Variants in CDC14B observed in about 807,000 individuals in gnomAD.
CDC14B encodes the protein dual specificity protein phosphatase CDC14B.
In CDC14B, 22 loss-of-function variants were observed where a neutral mutation model predicts 64.2. The observed-to-expected ratio is 0.34, with a 90% CI of 0.24 to 0.49. CDC14B has a LOEUF of 0.49. Ranked by LOEUF, CDC14B falls within the 20% of genes least tolerant of loss-of-function variation. The probability of loss-of-function intolerance (pLI) is 0.99; values close to 1 mark genes in which losing one functional copy is unlikely to be tolerated. For missense variants in CDC14B, 498 were observed against 629.9 expected (o/e 0.79, Z 2.24); for synonymous variants, 191 against 215.8 (o/e 0.89, Z 1.01).
At chr9:96,511,605 T>C (rs1307756586) in intron 12 of CDC14B, among the ~76,000 whole-genome samples, 3 of 152,138 alleles carry the variant, frequency 2.0e-5, no homozygotes, top group Non-Finnish European at 4.4e-5. Flanking sequence ...GGGCCAGCGG[T>C]CCCAAGCCTT....
At chr9:96,597,506 A>AG (rs1846164904) in intron 1 of CDC14B, among the ~76,000 whole-genome samples, 1 of 151,986 alleles carries the variant, frequency 6.6e-6, no homozygotes, top group African/African-American at 2.4e-5. Flanking sequence ...AAAAAGAAAA[A>AG]AAAAAAAAAA....
At chr9:96,618,968 T>G (rs923535034) in intron 1 of CDC14B, among the ~76,000 whole-genome samples, 1 of 151,908 alleles carries the variant, frequency 6.6e-6, no homozygotes, top group Non-Finnish European at 1.5e-5. Context: ...CGGTCCATCT[T>G]GCTGGTGGAG....
chr9:96,511,286 C>G (rs145111388), intron 12 of CDC14B, among the ~76,000 whole-genome samples: 3 of 152,246 alleles, frequency 2.0e-5, no homozygotes, highest in African/African-American at 7.2e-5. Context: ...AAAAAAGCAA[C>G]AAGAGGCTGG....
intron 9 of CDC14B, 58 bp from the exon 10 acceptor site, chr9:96,523,783 T>A (rs1837142977): frequency 6.4e-7 from 1 of 1,573,158 alleles, no homozygotes; most frequent in Admixed American, 1.8e-5. Context: ...CAGGATTTTG[T>A]TGGGCAGGCA....
At chr9:96,527,357 C>T (rs567072925) in intron 9 of CDC14B, among the ~76,000 whole-genome samples, 1 of 152,236 alleles carries the variant, frequency 6.6e-6, no homozygotes, top group South Asian at 2.1e-4. Context: ...TGAGATCGTG[C>T]CACTGCACTC....
At position 96,522,596 on chromosome 9, in the gene CDC14B, T is replaced by A. The variant is rs1836912913; in HGVS notation, c.1253A>T (p.Asp418Val). The change falls in exon 12 of 14, where the codon GAT (aspartate) becomes GTT (valine). Residue 418 changes from aspartate to valine, a missense_variant. By Grantham distance (152) the Asp-to-Val change is radical. Coordinates refer to ENST00000375241, the MANE Select transcript of CDC14B (RefSeq NM_033331.4). The stretch of plus-strand genomic sequence containing the variant: ...TGTCACTCCATTGATTTCGTCATCA[T>A]CACTGTACTGTGTAAGTAAAAAAAC... ...QDQQEPEPYS[D>V]DDEINGVTQG... is the part of the protein sequence containing the mutation. The A allele has an allele frequency of 1.2e-6, 2 of 1,605,752 alleles. No individual in the cohort carries two copies. Among genetic ancestry groups the A allele is most frequent in the African/African-American group, 1.3e-5 (1 of 74,776 alleles).
chr9:96,619,180 G>A (rs2119128614), intron 1 of CDC14B, 39 bp downstream of exon 1: 2 of 1,224,806 alleles, frequency 1.6e-6, no homozygotes, highest in Non-Finnish European at 2.0e-6. Context: ...GCCGGGTGCG[G>A]CCGTCCGGGG....
At chr9:96,605,902 G>A (rs868485463) in intron 1 of CDC14B, among the ~76,000 whole-genome samples, 1 of 151,916 alleles carries the variant, frequency 6.6e-6, no homozygotes, top group Non-Finnish European at 1.5e-5. Flanking sequence ...TAGTTACAAC[G>A]AAGCAGCACT....
In CDC14B at chr9:96,606,176, A is replaced by G. The variant is rs1046840378; in HGVS notation, c.160+13043T>C. Among the ~76,000 whole-genome samples, 5 of 151,108 alleles carry G rather than the reference A, an allele frequency of 3.3e-5. No individual in the cohort carries two copies. The South Asian group carries it at 1.1e-3, about 32-fold the overall frequency. On this transcript the variant is annotated intron_variant, in intron 1 of 13. Coordinates refer to ENST00000375241, the MANE Select transcript of CDC14B (RefSeq NM_033331.4). ...TGGCAAAACCCCATTTCAACTAAAA[A>G]TACAAAAATAAGCGGGTGTGGTGAT...
At chr9:96,546,824 A>G (rs1023123438) in intron 5 of CDC14B, among the ~76,000 whole-genome samples, 3 of 151,348 alleles carry the variant, frequency 2.0e-5, no homozygotes, top group Non-Finnish European at 4.4e-5. Flanking sequence ...GCACTTTGGG[A>G]ACCTGAGGCG....
In CDC14B at chr9:96,523,673, G is replaced by A; in HGVS notation, c.999C>T (p.Tyr333=). The change falls in exon 10 of 14, where the codon TAC becomes TAT. Residue 333 remains tyrosine (Y), a synonymous_variant. Coordinates refer to ENST00000375241, the MANE Select transcript of CDC14B (RefSeq NM_033331.4). ...CAATGGTCTCGGCTGCTGTCATCCT[G>A]TAATGCTTCATGATGTAGCAGGCTA... ...TLIACYIMKH[Y]RMTAAETIAW... 1.2e-6 allele frequency: 2 copies of A among 1,614,134 alleles called. No homozygotes were observed. Among genetic ancestry groups the A allele is most frequent in the South Asian group, 1.1e-5 (1 of 91,080 alleles).
rs750954748 is a variant in CDC14B at position 96,503,764 on chromosome 9, C to T, written c.1486G>A (p.Val496Ile). Residue 496 changes from valine (V) to isoleucine (I), a missense_variant, in exon 14 of 14, where the codon GTC becomes ATC. Physicochemically the swap from Val to Ile is conservative, Grantham distance 29. Coordinates refer to ENST00000375241, the MANE Select transcript of CDC14B (RefSeq NM_033331.4). ...TCACAGGTTTTTACTTAACGCAAGACTGTTTTAGTCCTTGAAATGGAGAGA... is the reference window on the plus strand; with the variant it reads ...TCACAGGTTTTTACTTAACGCAAGATTGTTTTAGTCCTTGAAATGGAGAGA... ...KSLSISRTKT[V>I]LR 1 of 1,613,834 alleles carries T rather than the reference C, an allele frequency of 6.2e-7. No individual in the cohort carries two copies. Among genetic ancestry groups the T allele is most frequent in the East Asian group, 2.2e-5 (1 of 44,868 alleles).
chr9:96,510,745 G>A (rs1429256214), intron 12 of CDC14B, among the ~76,000 whole-genome samples: 4 of 151,556 alleles, frequency 2.6e-5, no homozygotes, highest in African/African-American at 4.8e-5. Flanking sequence ...AGCTGGGACC[G>A]CAGGCGCCCA....
intron 7 of CDC14B, 167 bp downstream of exon 7, chr9:96,538,911 T>C: frequency 3.4e-6 from 2 of 580,142 alleles, no homozygotes; most frequent in Non-Finnish European, 6.2e-6. Flanking sequence ...TGTGAGGTGA[T>C]GAATATGTTA....
intron 1 of CDC14B, among the ~76,000 whole-genome samples, chr9:96,593,021 C>T (rs1183132599): frequency 6.6e-6 from 1 of 151,790 alleles, no homozygotes; most frequent in African/African-American, 2.4e-5. Context: ...AAATGTTTGC[C>T]GTAAGAGTTG....
At chr9:96,531,951 A>G (rs983185170) in intron 9 of CDC14B, among the ~76,000 whole-genome samples, 1 of 152,002 alleles carries the variant, frequency 6.6e-6, no homozygotes, top group African/African-American at 2.4e-5. Flanking sequence ...AGATCTAGTG[A>G]TTAAAAACTC....
At chr9:96,589,791 T>C (rs1845673169) in intron 1 of CDC14B, among the ~76,000 whole-genome samples, 1 of 151,170 alleles carries the variant, frequency 6.6e-6, no homozygotes, top group Admixed American at 6.6e-5. Flanking sequence ...ACCCTGTCTC[T>C]ACTAAAAAAA....
rs548217268 is a variant in CDC14B, at chr9:96,523,646, C to A, written c.1026G>T (p.Ala342=). The A allele has an allele frequency of 6.2e-7, 1 of 1,614,068 alleles. No individual in the cohort carries two copies. The highest frequency in any genetic ancestry group is 1.3e-5 in the African/African-American group (1 of 74,916). The change falls in exon 10 of 14, where the codon GCG becomes GCT. Residue 342 remains alanine (A), a synonymous_variant. Transcript: ENST00000375241. ...HYRMTAAETI[A]WVRICRPGSV... is the part of the protein sequence containing the mutation. ...AGCCAGGTCTGCAGATCCTGACCCA[C>A]GCAATGGTCTCGGCTGCTGTCATCC... is the stretch of plus-strand genomic sequence containing the variant.
chr9:96,618,139 C>G (rs950189938), intron 1 of CDC14B, among the ~76,000 whole-genome samples: 2 of 152,206 alleles, frequency 1.3e-5, no homozygotes, highest in African/African-American at 4.8e-5. Context: ...TGTCCATGAA[C>G]CTAGAATATT....
Sources: gnomAD v4.1 joint callset for allele counts (sites outside exome capture counted in the v4.1 genomes callset) on GRCh38, gnomAD v4.1.1 for gene constraint, MANE v1.5 for transcripts, NCBI Gene and HGNC (gene_info 2026-07-23, HGNC 2026-07-21) for gene names.